Variants in USP40 observed in about 807,000 individuals in gnomAD.
USP40 encodes the protein ubiquitin carboxyl-terminal hydrolase 40.
In USP40, 143 loss-of-function variants were observed where a neutral mutation model predicts 166.2. That is an observed-to-expected ratio of 0.86 (90% CI 0.75 to 0.99). USP40 has a LOEUF of 0.99. Ranked by LOEUF, USP40 falls within the 50% of genes least tolerant of loss-of-function variation. The pLI is 0.00. For missense variants in USP40, 1,444 were observed against 1,479.7 expected (o/e 0.98, Z 0.40); for synonymous variants, 498 against 524.0 (o/e 0.95, Z 0.68).
At position 233,503,219 on chromosome 2, in the gene USP40, C is replaced by T. The variant is rs117343478; in HGVS notation, c.2614-3304G>A. Among the ~76,000 whole-genome samples, 224 of 152,036 alleles carry T rather than the reference C, an allele frequency of 1.5e-3. 1 individual carries two copies. In the East Asian group the frequency reaches 0.023, roughly 16 times the overall value. On this transcript the variant is annotated intron_variant, in intron 21 of 31. Coordinates refer to ENST00000678225, the MANE Select transcript of USP40 (RefSeq NM_001365479.2). ...GACAGGTCTTTTGAAATAACCCAGT[C>T]AGAAGAATAAAAAGAATTAACAATT...
chr2:233,552,206 T>TA (rs34735468), intron 6 of USP40, among the ~76,000 whole-genome samples: 8 of 116,644 alleles, frequency 6.9e-5, no homozygotes, highest in Admixed American at 2.6e-4. Context: ...ATCTAGTGGG[T>TA]AAAAAAAAAA....
intron 3 of USP40, chr2:233,560,800 T>C: frequency 5.1e-6 from 2 of 395,618 alleles, no homozygotes; most frequent in Non-Finnish European, 9.2e-6. Flanking sequence ...CTAGCCTCTA[T>C]TTTTTTTTGT....
chr2:233,511,899 G>A, intron 19 of USP40, 102 bp from the exon 20 acceptor site: 2 of 979,548 alleles, frequency 2.0e-6, no homozygotes, highest in South Asian at 1.8e-5. Context: ...AGAATATCAA[G>A]AAAGAAGAAA....
At chr2:233,529,306 GAC>G in intron 12 of USP40, 123 bp downstream of exon 12, 1 of 724,498 alleles carries the variant, frequency 1.4e-6, no homozygotes, top group Non-Finnish European at 2.1e-6. Context: ...CAGCCAAACA[GAC>G]ACTTGCATTA....
chr2:233,556,734 A>C lies in USP40; in HGVS notation c.546+121T>G, dbSNP rs563884496. ...TTAGGTGTAGTTAGAAGAAAAAAAA[A>C]CTCAATAAATTACTTTTAGTAATAA... On this transcript the variant is annotated intron_variant, in intron 5 of 31. Transcript: ENST00000678225. 8 of 962,068 alleles carry C rather than the reference A, an allele frequency of 8.3e-6. No homozygotes were observed. In the African/African-American group the frequency reaches 1.4e-4, roughly 16 times the overall value. The allele number at this position is 962,068 out of a possible 1,614,324, so 59.6% of individuals were successfully genotyped here.
chr2:233,522,760 T>C (rs189904041), intron 16 of USP40, among the ~76,000 whole-genome samples: 4 of 152,226 alleles, frequency 2.6e-5, no homozygotes, highest in African/African-American at 9.6e-5. Flanking sequence ...ATGGGTCTCC[T>C]GAAACAAAAT....
chr2:233,548,114 G>A (rs2070165939), intron 8 of USP40, among the ~76,000 whole-genome samples: 1 of 152,144 alleles, frequency 6.6e-6, no homozygotes, highest in African/African-American at 2.4e-5. Context: ...TACATTGGTA[G>A]AGAAAAATTG....
chr2:233,558,329 A>T (rs2125388658), intron 4 of USP40, among the ~76,000 whole-genome samples: 1 of 152,108 alleles, frequency 6.6e-6, no homozygotes, highest in South Asian at 2.1e-4. Flanking sequence ...AGTGAAGCTC[A>T]TTATCAAAAA....
At chr2:233,544,571 A>T (rs1344654032) in intron 8 of USP40, among the ~76,000 whole-genome samples, 1 of 152,164 alleles carries the variant, frequency 6.6e-6, no homozygotes, top group Non-Finnish European at 1.5e-5. Flanking sequence ...GACTTCATTA[A>T]CATCAACTCA....
intron 23 of USP40, 104 bp from the exon 24 acceptor site, chr2:233,496,936 T>C (rs2065781907): frequency 7.7e-6 from 6 of 776,740 alleles, no homozygotes; most frequent in South Asian, 3.7e-5. Context: ...AAAAATTAAA[T>C]GAATAATAAA....
At chr2:233,491,747 T>C (rs996138123) in intron 25 of USP40, among the ~76,000 whole-genome samples, 10 of 152,102 alleles carry the variant, frequency 6.6e-5, no homozygotes, top group African/African-American at 1.9e-4. Context: ...GGGTGCCACA[T>C]AGTAAATGCC....
intron 31 of USP40, 48 bp from the exon 32 acceptor site, chr2:233,477,551 C>T (rs2064250518): frequency 1.3e-6 from 2 of 1,534,064 alleles, no homozygotes; most frequent in South Asian, 2.3e-5. Flanking sequence ...CAGTGGGTGT[C>T]AGGGTGAGGG....
Position 233,477,089 on chromosome 2 carries a change from G to A in USP40, c.*303C>T. On this transcript the variant is annotated 3_prime_UTR_variant, in exon 32 of 32. Transcript: ENST00000678225. The stretch of plus-strand genomic sequence containing the variant: ...TACCTGCGGTTCACGCACACGTTGT[G>A]CATTTTCTGGTTAAAAGAAAAAAAA... 1 of 398,558 alleles carries A rather than the reference G, an allele frequency of 2.5e-6. No homozygotes were observed. Among genetic ancestry groups the A allele is most frequent in the Non-Finnish European group, 4.8e-6 (1 of 208,956 alleles). 24.7% of individuals were successfully genotyped at this position (398,558 alleles called of 1,614,324 possible). A position where few individuals can be genotyped will look rare whatever the true frequency, so the allele number is the denominator to read the frequency against.
intron 2 of USP40, among the ~76,000 whole-genome samples, 157 bp downstream of exon 2, chr2:233,565,199 A>T (rs1033348693): frequency 2.0e-5 from 3 of 152,372 alleles, no homozygotes; most frequent in Middle Eastern, 3.4e-3. Context: ...ATTTCTCTGC[A>T]GAGGGAATTA....
intron 31 of USP40, among the ~76,000 whole-genome samples, chr2:233,479,753 G>C (rs1004525444): frequency 6.6e-6 from 1 of 152,006 alleles, no homozygotes; most frequent in Admixed American, 6.6e-5. Context: ...CCTGAGGGCT[G>C]CAGAGCTGCG....
At chr2:233,515,481 C>A (rs893222021) in intron 18 of USP40, among the ~76,000 whole-genome samples, 1 of 151,822 alleles carries the variant, frequency 6.6e-6, no homozygotes, top group Non-Finnish European at 1.5e-5. Flanking sequence ...GCATTTTTTC[C>A]TGTACTTACT....
intron 1 of USP40, among the ~76,000 whole-genome samples, chr2:233,565,939 T>C (rs2072103390): frequency 6.6e-6 from 1 of 152,140 alleles, no homozygotes; most frequent in South Asian, 2.1e-4. Flanking sequence ...CACTAATTTT[T>C]TTAAAAAAGA....
intron 24 of USP40, among the ~76,000 whole-genome samples, chr2:233,494,844 CA>C (rs1165042558): frequency 2.0e-5 from 2 of 99,240 alleles, no homozygotes; most frequent in Admixed American, 1.0e-4. Flanking sequence ...AAAAAAAAAC[CA>C]AAAAAAAAAC....
rs2065488847 is a variant in USP40, at chr2:233,493,616, C to T, written c.2791-65G>A. ...ATTAAGTGAAACTCTACTTTTACTTCCATAGAAAGAAACACCTTGATGACC... is the reference window on the plus strand; with the variant it reads ...ATTAAGTGAAACTCTACTTTTACTTTCATAGAAAGAAACACCTTGATGACC... On this transcript the variant is annotated intron_variant, in intron 24 of 31. Transcript: ENST00000678225. This position sits in a 1 kb window ranked among gnomAD's most constrained non-coding sequence, Gnocchi z 4.7. 8 of 1,486,006 alleles carry T rather than the reference C, an allele frequency of 5.4e-6. No individual in the cohort carries two copies. The highest frequency in any genetic ancestry group is 7.2e-6 in the Non-Finnish European group (8 of 1,109,992). The allele number at this position is 1,486,006 out of a possible 1,614,324, so 92.1% of individuals were successfully genotyped here.
Sources: allele counts gnomAD v4.1 joint callset (sites outside exome capture counted in the v4.1 genomes callset), GRCh38; gene constraint gnomAD v4.1.1; non-coding constraint Gnocchi (gnomAD v3.1); transcripts MANE v1.5; gene names NCBI Gene and HGNC (gene_info 2026-07-23, HGNC 2026-07-21).